MGAT4C: variants seen among roughly 807,000 people sequenced by gnomAD.
MGAT4C encodes alpha-1,3-mannosyl-glycoprotein 4-beta-N-acetylglucosaminyltransferase C.
Under a neutral mutation model 40.1 loss-of-function variants are expected in MGAT4C, and 19 were observed. The ratio of observed to expected loss-of-function variants is 0.47; its 90% CI spans 0.33 to 0.70. The LOEUF (loss-of-function observed/expected upper bound fraction) is 0.70, where lower values mean the gene tolerates loss of function less well. MGAT4C is among the 30% of genes least tolerant of loss of function. MGAT4C has a pLI of 0.02. For missense variants in MGAT4C, 491 were observed against 563.2 expected, an observed-to-expected ratio of 0.87 and a Z score of 1.30; for synonymous variants, 181 against 187.1, an observed-to-expected ratio of 0.97 and a Z score of 0.27.
intron 1 of MGAT4C, among the ~76,000 whole-genome samples, chr12:86,792,282 T>C (rs1952035925): frequency 6.6e-6 from 1 of 152,172 alleles, no homozygotes. Flanking sequence ...GTAATTAAGA[T>C]ATTCAATAAC....
intron 1 of MGAT4C, among the ~76,000 whole-genome samples, chr12:86,062,774 G>C (rs1237568599): frequency 6.6e-6 from 1 of 151,802 alleles, no homozygotes; most frequent in Non-Finnish European, 1.5e-5. Flanking sequence ...AAGGATATCA[G>C]AGATTGAAGA....
intron 1 of MGAT4C, among the ~76,000 whole-genome samples, chr12:86,734,063 A>C (rs76907187): frequency 0.027 from 4,060 of 152,204 alleles, 177 homozygotes; most frequent in African/African-American, 0.093. Flanking sequence ...AGGATCTGGC[A>C]ACAAGTTATT....
chr12:86,581,971 G>A (rs1015605487), intron 2 of MGAT4C, among the ~76,000 whole-genome samples: 15 of 151,444 alleles, frequency 9.9e-5, no homozygotes, highest in African/African-American at 3.6e-4. Flanking sequence ...TACAGTCCGT[G>A]TCTTATAGAT....
chr12:86,584,714 C>T (rs1960933908), intron 2 of MGAT4C, among the ~76,000 whole-genome samples: 1 of 151,258 alleles, frequency 6.6e-6, no homozygotes, highest in Non-Finnish European at 1.5e-5. Context: ...ACGAATTTCA[C>T]AAAGTTTTGA....
At chr12:86,802,116 C>G (rs1386164414) in intron 1 of MGAT4C, among the ~76,000 whole-genome samples, 1 of 151,914 alleles carries the variant, frequency 6.6e-6, no homozygotes, top group African/African-American at 2.4e-5. Flanking sequence ...CCTGTGTAAA[C>G]TTATAATTAG....
At chr12:86,435,990 TAA>T (rs1957129733) in intron 2 of MGAT4C, among the ~76,000 whole-genome samples, 1 of 151,890 alleles carries the variant, frequency 6.6e-6, no homozygotes, top group Non-Finnish European at 1.5e-5. Context: ...GATCAAAAAT[TAA>T]GTCTCAATAA....
At chr12:86,750,300 A>T (rs868540967) in intron 1 of MGAT4C, among the ~76,000 whole-genome samples, 2 of 151,930 alleles carry the variant, frequency 1.3e-5, no homozygotes, top group African/African-American at 4.8e-5. Context: ...TACATAGATG[A>T]GGCTGAATTC....
intron 2 of MGAT4C, among the ~76,000 whole-genome samples, chr12:86,681,073 C>T (rs912338511): frequency 5.3e-5 from 8 of 151,708 alleles, no homozygotes; most frequent in Non-Finnish European, 7.4e-5. Context: ...ATCTATTACT[C>T]GTGGAAAATA....
chr12:86,763,010 T>C lies in MGAT4C; in HGVS notation c.-261-35769A>G, dbSNP rs547305579. ...CATTTTGTTACAAAATGTACCTTATTGCATTTTCTGATATTTTGAGAAGGA... is the reference window on the plus strand; with the variant it reads ...CATTTTGTTACAAAATGTACCTTATCGCATTTTCTGATATTTTGAGAAGGA... On this transcript the variant is annotated intron_variant, in intron 1 of 7. Coordinates refer to the MGAT4C transcript ENST00000548651. Among the ~76,000 whole-genome samples, 15 of 152,344 alleles carry C rather than the reference T, an allele frequency of 9.8e-5. No individual in the cohort carries two copies. The South Asian group carries it at 2.9e-3, about 29-fold the overall frequency.
chr12:86,603,296 T>G (rs1961854920), intron 2 of MGAT4C, among the ~76,000 whole-genome samples: 1 of 140,854 alleles, frequency 7.1e-6, no homozygotes, highest in East Asian at 2.0e-4. Context: ...ATATATAGTA[T>G]AGCATATAAT....
At chr12:86,715,428 G>T (rs1950628888) in intron 2 of MGAT4C, among the ~76,000 whole-genome samples, 1 of 151,970 alleles carries the variant, frequency 6.6e-6, no homozygotes, top group Non-Finnish European at 1.5e-5. Context: ...TCTTGATCTG[G>T]GTGCTGATTA....
intron 1 of MGAT4C, among the ~76,000 whole-genome samples, chr12:86,096,033 A>T (rs963596268): frequency 6.6e-6 from 1 of 151,804 alleles, no homozygotes; most frequent in Non-Finnish European, 1.5e-5. Context: ...ACTTGAATCA[A>T]CTTTGGCTAG....
At chr12:86,603,444 AGT>A (rs1321764323) in intron 2 of MGAT4C, among the ~76,000 whole-genome samples, 4 of 119,756 alleles carry the variant, frequency 3.3e-5, no homozygotes, top group African/African-American at 1.5e-4. Flanking sequence ...TACTATATAT[AGT>A]CTATAGACTA....
intron 1 of MGAT4C, among the ~76,000 whole-genome samples, chr12:86,153,684 T>C (rs1383913598): frequency 6.6e-6 from 1 of 152,156 alleles, no homozygotes; most frequent in East Asian, 1.9e-4. Flanking sequence ...GATGGTTTTA[T>C]AAATAACACT....
At chr12:86,505,020 G>C (rs906680509) in intron 2 of MGAT4C, among the ~76,000 whole-genome samples, 2 of 152,102 alleles carry the variant, frequency 1.3e-5, no homozygotes, top group Admixed American at 6.5e-5. Context: ...AGAAGACCTA[G>C]CAAGTGTCAC....
intron 1 of MGAT4C, among the ~76,000 whole-genome samples, chr12:86,173,844 A>G (rs1887108333): frequency 6.6e-6 from 1 of 151,974 alleles, no homozygotes; most frequent in African/African-American, 2.4e-5. Flanking sequence ...TTCATTTTTG[A>G]GAGCTACATA....
chr12:86,507,351 C>T (rs1958488769), intron 2 of MGAT4C, among the ~76,000 whole-genome samples: 1 of 152,076 alleles, frequency 6.6e-6, no homozygotes, highest in African/African-American at 2.4e-5. Context: ...TAATATTGAG[C>T]TTTGTTATGT....
chr12:86,382,125 G>A (rs543315982), intron 3 of MGAT4C, among the ~76,000 whole-genome samples: 1 of 152,320 alleles, frequency 6.6e-6, no homozygotes, highest in East Asian at 1.9e-4. Flanking sequence ...GAAAATGTGG[G>A]AACATTTGGA....
chr12:85,994,221 A>T (rs1448057256), intron 2 of MGAT4C, among the ~76,000 whole-genome samples: 1 of 152,242 alleles, frequency 6.6e-6, no homozygotes. Context: ...GAAATACAGA[A>T]GTCCTTAGAG....
Sources: gnomAD v4.1 joint callset for allele counts (sites outside exome capture counted in the v4.1 genomes callset) on GRCh38, gnomAD v4.1.1 for gene constraint, MANE v1.5 for transcripts, NCBI Gene and HGNC (gene_info 2026-07-23, HGNC 2026-07-21) for gene names.